PCDH15: variants seen among roughly 807,000 people sequenced by gnomAD.
The protein encoded by PCDH15 is protocadherin related 15, also known as protocadherin-15.
A neutral mutation model predicts 178.5 loss-of-function variants in PCDH15; 129 were observed. That is an observed-to-expected ratio of 0.72 (90% CI 0.63 to 0.84). The LOEUF is 0.84. Ranked by LOEUF, PCDH15 falls within the 40% of genes least tolerant of loss-of-function variation. The pLI is 0.00. For synonymous variants in PCDH15, 800 were observed against 732.0 expected, an observed-to-expected ratio of 1.09 and a Z score of -1.50; for missense variants, 2,230 against 2,099.9, an observed-to-expected ratio of 1.06 and a Z score of -1.21.
intron 1 of PCDH15, among the ~76,000 whole-genome samples, chr10:54,724,111 C>T (rs772714785): frequency 2.6e-5 from 4 of 151,706 alleles, no homozygotes; most frequent in Non-Finnish European, 4.4e-5. Flanking sequence ...CAATACTACT[C>T]ATAATAGGAA....
chr10:54,312,635 A>C (rs61853316), intron 8 of PCDH15, among the ~76,000 whole-genome samples: 31,403 of 152,064 alleles, frequency 0.21, 3,306 homozygotes, highest in Admixed American at 0.23. Context: ...GGTGAAAATG[A>C]AGCCTCAGTC....
chr10:55,407,705 C>T (rs528494662), intron 2 of PCDH15, among the ~76,000 whole-genome samples: 1 of 152,324 alleles, frequency 6.6e-6, no homozygotes, highest in African/African-American at 2.4e-5. Context: ...CACACAAACA[C>T]ATGCACAAAC....
chr10:54,165,325 G>T (rs548281151), intron 13 of PCDH15, among the ~76,000 whole-genome samples: 11 of 152,096 alleles, frequency 7.2e-5, no homozygotes, highest in African/African-American at 2.4e-4. Context: ...AAAAGATATT[G>T]ATAACATTAA....
chr10:54,998,896 T>A (rs533793136), intron 2 of PCDH15, among the ~76,000 whole-genome samples: 2 of 152,168 alleles, frequency 1.3e-5, no homozygotes, highest in African/African-American at 4.8e-5. Context: ...CCACAACGTG[T>A]ATGTTTTTAT....
chr10:54,480,859 A>G (rs2078664948), intron 3 of PCDH15, among the ~76,000 whole-genome samples: 1 of 151,986 alleles, frequency 6.6e-6, no homozygotes, highest in South Asian at 2.1e-4. Context: ...CATTAAAAGT[A>G]TTTGCTAAGT....
intron 23 of PCDH15, among the ~76,000 whole-genome samples, chr10:53,955,449 G>T (rs539566282): frequency 6.6e-6 from 1 of 152,084 alleles, no homozygotes; most frequent in Non-Finnish European, 1.5e-5. Context: ...CAATAATTCA[G>T]TTAAACATTC....
chr10:54,715,182 C>G (rs1311754569), intron 1 of PCDH15, among the ~76,000 whole-genome samples: 2 of 152,038 alleles, frequency 1.3e-5, no homozygotes, highest in Non-Finnish European at 2.9e-5. Flanking sequence ...AATAATTTTC[C>G]TTATGCAAGG....
chr10:54,795,344 C>T (rs886519812), intron 1 of PCDH15, among the ~76,000 whole-genome samples: 6 of 151,712 alleles, frequency 4.0e-5, no homozygotes, highest in African/African-American at 1.5e-4. Context: ...AATAAATGTC[C>T]ATTCTCAAAA....
At chr10:54,209,914 T>C (rs1358880984) in intron 10 of PCDH15, among the ~76,000 whole-genome samples, 2 of 151,966 alleles carry the variant, frequency 1.3e-5, no homozygotes, top group Non-Finnish European at 1.5e-5. Context: ...GGGACAGGGG[T>C]TGTAGTAGCT....
intron 2 of PCDH15, among the ~76,000 whole-genome samples, chr10:54,603,621 G>A (rs1327761061): frequency 6.6e-6 from 1 of 151,690 alleles, no homozygotes; most frequent in Non-Finnish European, 1.5e-5. Context: ...ATATACTATA[G>A]GTAAGGAGAA....
chr10:54,000,715 G>A lies in PCDH15; in HGVS notation c.2752-4950C>T, dbSNP rs564031950. 9.0e-4 allele frequency among the ~76,000 whole-genome samples: 137 copies of A among 152,064 alleles called. 1 individual carries two copies. The highest frequency in any genetic ancestry group is 3.2e-3 in the African/African-American group (133 of 41,504). On this transcript the variant is annotated intron_variant, in intron 20 of 37. Transcript: ENST00000644397. ...AGAAAATGGCCTCAAAAGGGCAAAT[G>A]TAAGTGTTATTGGCATTAAAGAGGA...
chr10:54,321,092 CAAAT>C (rs922778523), intron 7 of PCDH15, among the ~76,000 whole-genome samples: 10 of 150,130 alleles, frequency 6.7e-5, no homozygotes, highest in African/African-American at 2.4e-4. Flanking sequence ...TTCTCAATAA[CAAAT>C]AAGTTAATAA....
At chr10:54,616,647 T>C (rs963063656) in intron 2 of PCDH15, among the ~76,000 whole-genome samples, 1 of 152,058 alleles carries the variant, frequency 6.6e-6, no homozygotes, top group African/African-American at 2.4e-5. Context: ...ATGTTGAGAA[T>C]TATACCACTG....
chr10:55,380,130 C>T (rs543869380), intron 2 of PCDH15, among the ~76,000 whole-genome samples: 30 of 152,142 alleles, frequency 2.0e-4, no homozygotes, highest in African/African-American at 6.5e-4. Context: ...TGGTCTATTA[C>T]CCTCAATTTA....
At chr10:54,477,058 T>C (rs945135984) in intron 3 of PCDH15, among the ~76,000 whole-genome samples, 2 of 152,116 alleles carry the variant, frequency 1.3e-5, no homozygotes, top group African/African-American at 4.8e-5. Flanking sequence ...AATCCATAAA[T>C]AGGATCATGT....
intron 2 of PCDH15, among the ~76,000 whole-genome samples, chr10:54,936,087 G>T (rs779031944): frequency 1.3e-5 from 2 of 151,980 alleles, no homozygotes; most frequent in Non-Finnish European, 2.9e-5. Flanking sequence ...GATTGACTTT[G>T]GGTCTCTATA....
At chr10:55,106,494 C>A (rs942957455) in intron 2 of PCDH15, among the ~76,000 whole-genome samples, 3 of 152,276 alleles carry the variant, frequency 2.0e-5, no homozygotes, top group African/African-American at 7.2e-5. Context: ...CAGCTCACTG[C>A]AACTTCAGCC....
intron 1 of PCDH15, among the ~76,000 whole-genome samples, chr10:55,311,071 T>C (rs904390063): frequency 1.3e-5 from 2 of 152,142 alleles, no homozygotes; most frequent in Non-Finnish European, 2.9e-5. Flanking sequence ...AAATATAACA[T>C]TGCAAAAGTA....
chr10:54,232,853 T>A (rs1057438614), intron 9 of PCDH15, among the ~76,000 whole-genome samples: 1 of 151,980 alleles, frequency 6.6e-6, no homozygotes, highest in Non-Finnish European at 1.5e-5. Context: ...TCTCTACTGA[T>A]TTCCTAATCC....
Sources: allele counts gnomAD v4.1 joint callset (sites outside exome capture counted in the v4.1 genomes callset), GRCh38; gene constraint gnomAD v4.1.1; transcripts MANE v1.5; gene names NCBI Gene and HGNC (gene_info 2026-07-23, HGNC 2026-07-21).